ARHGEF4: variants seen among roughly 807,000 people sequenced by gnomAD.
ARHGEF4 encodes the protein Rho guanine nucleotide exchange factor 4, also known as APC-stimulated guanine nucleotide exchange factor 1.
ARHGEF4 carries 119 observed loss-of-function variants against 162.0 expected under a neutral mutation model. The observed-to-expected ratio is 0.73, with a 90% confidence interval of 0.63 to 0.86. The LOEUF is 0.86. Ranked by LOEUF, ARHGEF4 falls within the 40% of genes least tolerant of loss-of-function variation. The probability of loss-of-function intolerance (pLI) is 0.00; values close to 1 mark genes in which losing one functional copy is unlikely to be tolerated. For missense variants in ARHGEF4, 2,488 were observed against 2,456.0 expected, an observed-to-expected ratio of 1.01 and a Z score of -0.28; for synonymous variants, 1,014 against 979.9, an observed-to-expected ratio of 1.03 and a Z score of -0.65.
At chr2:131,000,908 G>A (rs1306649882) in intron 4 of ARHGEF4, among the ~76,000 whole-genome samples, 1 of 152,176 alleles carries the variant, frequency 6.6e-6, no homozygotes, top group African/African-American at 2.4e-5. Context: ...CCTTCTCACA[G>A]ACTGGGGAGT....
intron 1 of ARHGEF4, among the ~76,000 whole-genome samples, chr2:130,905,589 GC>G (rs1244311759): frequency 2.0e-5 from 3 of 151,458 alleles, no homozygotes; most frequent in African/African-American, 7.3e-5. Context: ...ATTTAAAGCA[GC>G]CCCCCCAACT....
intron 4 of ARHGEF4, among the ~76,000 whole-genome samples, chr2:130,987,140 T>C (rs1686566401): frequency 6.6e-6 from 1 of 152,188 alleles, no homozygotes; most frequent in South Asian, 2.1e-4. Flanking sequence ...AGCAGAGCTG[T>C]GGGCAGCACT....
intron 1 of ARHGEF4, among the ~76,000 whole-genome samples, chr2:130,859,337 A>G (rs1490612834): frequency 1.3e-5 from 1 of 79,844 alleles, no homozygotes; most frequent in East Asian, 4.7e-4. Flanking sequence ...GCAGTGAGCC[A>G]TGATCGTGCC....
chr2:130,843,773 G>A (rs1680760979), intron 1 of ARHGEF4, among the ~76,000 whole-genome samples: 1 of 152,236 alleles, frequency 6.6e-6, no homozygotes, highest in Non-Finnish European at 1.5e-5. Flanking sequence ...CTGAGGGCAG[G>A]GCCAGGGTTT....
At chr2:131,012,185 G>A (rs1256335460) in intron 4 of ARHGEF4, among the ~76,000 whole-genome samples, 2 of 152,116 alleles carry the variant, frequency 1.3e-5, no homozygotes, top group Non-Finnish European at 2.9e-5. Flanking sequence ...TCCTCCTCGT[G>A]TAGGCAGAAC....
intron 3 of ARHGEF4, among the ~76,000 whole-genome samples, chr2:130,938,752 A>G (rs1300662607): frequency 1.3e-5 from 2 of 152,192 alleles, no homozygotes; most frequent in Non-Finnish European, 2.9e-5. Flanking sequence ...GTTGAAGTCT[A>G]CTTAATCAAT....
chr2:130,840,531 A>AGG lies in ARHGEF4; in HGVS notation c.39+3540_39+3541dup, dbSNP rs1194409794. Reference sequence around the variant, plus strand: ...AGGGGAGGGAGTTGTAGATCCATCCAGGTAGTCTTTCCCACCACAGAAGCC... The same window carrying AGG: ...AGGGGAGGGAGTTGTAGATCCATCCAGGGGTAGTCTTTCCCACCACAGAAGCC... On this transcript the variant is annotated intron_variant, in intron 1 of 13. Transcript: ENST00000409359. Among the ~76,000 whole-genome samples the AGG allele has an allele frequency of 2.0e-5, 3 of 152,146 alleles. No individual in the cohort carries two copies. The South Asian group carries it at 6.2e-4, about 32-fold the overall frequency.
At chr2:131,010,522 T>C (rs1274062771) in intron 4 of ARHGEF4, among the ~76,000 whole-genome samples, 1 of 152,226 alleles carries the variant, frequency 6.6e-6, no homozygotes, top group African/African-American at 2.4e-5. Context: ...TTTTTTACAT[T>C]CTCTGACGTG....
chr2:130,968,775 G>A (rs11681064), intron 4 of ARHGEF4, among the ~76,000 whole-genome samples: 8,289 of 152,118 alleles, frequency 0.054, 288 homozygotes, highest in Non-Finnish European at 0.083. Flanking sequence ...AAAATTAGCC[G>A]GGTGTGGTGG....
At chr2:131,000,685 TTTATC>T in intron 4 of ARHGEF4, among the ~76,000 whole-genome samples, 1 of 152,162 alleles carries the variant, frequency 6.6e-6, no homozygotes, top group Non-Finnish European at 1.5e-5. Flanking sequence ...GTTGACGTAT[TTTATC>T]TAGGTTTTCA....
At position 130,867,923 on chromosome 2, in the gene ARHGEF4, CT is replaced by C. The variant is rs1319157545; in HGVS notation, c.39+30943del. Among the ~76,000 whole-genome samples the C allele has an allele frequency of 2.0e-3, 276 of 137,778 alleles. 1 individual carries two copies. Among genetic ancestry groups the C allele is most frequent in the African/African-American group, 5.6e-3 (209 of 37,544 alleles). 90.4% of individuals were successfully genotyped at this position (137,778 alleles called of 152,430 possible). A position where few individuals can be genotyped will look rare whatever the true frequency, so the allele number is the denominator to read the frequency against. ...GGGAGCAAGGTGGATGTGTTTTTTT[CT>C]TTTTTTTTTTTCTTTTTTTTTTTTT... On this transcript the variant is annotated intron_variant, in intron 1 of 13. Coordinates refer to ENST00000409359, the MANE Select transcript of ARHGEF4 (RefSeq NM_001367493.1).
intron 1 of ARHGEF4, among the ~76,000 whole-genome samples, chr2:130,873,800 C>T (rs1405352883): frequency 6.6e-6 from 1 of 152,058 alleles, no homozygotes; most frequent in Non-Finnish European, 1.5e-5. Context: ...GCCATACTGT[C>T]TTGGATTTCC....
At chr2:130,939,574 G>T (rs1413495903) in intron 3 of ARHGEF4, among the ~76,000 whole-genome samples, 1 of 151,914 alleles carries the variant, frequency 6.6e-6, no homozygotes, top group African/African-American at 2.4e-5. Context: ...ACGTTCCATG[G>T]CTAGTTCCTT....
chr2:130,845,066 C>T (rs1680862085), intron 1 of ARHGEF4, among the ~76,000 whole-genome samples: 1 of 151,696 alleles, frequency 6.6e-6, no homozygotes, highest in African/African-American at 2.4e-5. Flanking sequence ...TCATGATCCG[C>T]CCTCCTCAGC....
At chr2:130,952,022 A>G (rs976394873) in intron 4 of ARHGEF4, among the ~76,000 whole-genome samples, 1 of 152,206 alleles carries the variant, frequency 6.6e-6, no homozygotes, top group Non-Finnish European at 1.5e-5. Context: ...ATAATACATT[A>G]TATACATTAT....
intron 2 of ARHGEF4, among the ~76,000 whole-genome samples, chr2:130,924,422 A>G (rs1404972523): frequency 6.6e-6 from 1 of 150,392 alleles, no homozygotes; most frequent in African/African-American, 2.5e-5. Context: ...ACCCGCCACC[A>G]CACCCAGCTA....
intron 1 of ARHGEF4, among the ~76,000 whole-genome samples, chr2:130,853,684 A>G (rs376028933): frequency 1.6e-4 from 24 of 152,300 alleles, no homozygotes; most frequent in African/African-American, 1.9e-4. Context: ...CTAGGGGCCT[A>G]TGGTGCGGTC....
At chr2:130,885,266 C>T (rs1375151023) in intron 1 of ARHGEF4, among the ~76,000 whole-genome samples, 1 of 152,084 alleles carries the variant, frequency 6.6e-6, no homozygotes, top group Non-Finnish European at 1.5e-5. Flanking sequence ...GGAAAGTCAA[C>T]AGGGTTGAAT....
intron 4 of ARHGEF4, among the ~76,000 whole-genome samples, chr2:130,966,269 A>G (rs1684995576): frequency 6.6e-6 from 1 of 152,232 alleles, no homozygotes; most frequent in Non-Finnish European, 1.5e-5. Context: ...GAGCCAGTTG[A>G]ATCTGTGAAG....
Sources: allele counts gnomAD v4.1 joint callset (sites outside exome capture counted in the v4.1 genomes callset), GRCh38; gene constraint gnomAD v4.1.1; transcripts MANE v1.5; gene names NCBI Gene and HGNC (gene_info 2026-07-23, HGNC 2026-07-21).